TBC1D14: variants seen among roughly 807,000 people sequenced by gnomAD.
TBC1D14 encodes TBC1 domain family, member 14.
TBC1D14 carries 26 observed loss-of-function variants against 79.0 expected under a neutral mutation model. The observed-to-expected ratio is 0.33, with a 90% CI of 0.24 to 0.46. The LOEUF (loss-of-function observed/expected upper bound fraction) is 0.46, where lower values mean the gene tolerates loss of function less well. Ranked by LOEUF, TBC1D14 falls within the 20% of genes least tolerant of loss-of-function variation. TBC1D14 has a pLI of 1.00. For synonymous variants in TBC1D14, 394 were observed against 349.9 expected (o/e 1.13, Z -1.40); for missense variants, 769 against 887.6 (o/e 0.87, Z 1.70).
At chr4:6,936,908 T>C (rs1712390589) in intron 2 of TBC1D14, among the ~76,000 whole-genome samples, 1 of 152,122 alleles carries the variant, frequency 6.6e-6, no homozygotes, top group Non-Finnish European at 1.5e-5. Flanking sequence ...CTTTTTTTTT[T>C]TATTTTTACT....
At chr4:6,942,324 G>A (rs1394636829) in intron 2 of TBC1D14, among the ~76,000 whole-genome samples, 1 of 152,068 alleles carries the variant, frequency 6.6e-6, no homozygotes, top group Non-Finnish European at 1.5e-5. Flanking sequence ...TTTATGTTGA[G>A]CGAGCTGGGT....
intron 3 of TBC1D14, among the ~76,000 whole-genome samples, chr4:6,989,142 A>G (rs139324225): frequency 1.3e-5 from 2 of 152,250 alleles, no homozygotes; most frequent in Admixed American, 6.5e-5. Context: ...TAAACCAACA[A>G]ACGTTAAACC....
intron 2 of TBC1D14, among the ~76,000 whole-genome samples, chr4:6,928,345 G>C (rs1250214419): frequency 6.6e-6 from 1 of 152,178 alleles, no homozygotes; most frequent in Non-Finnish European, 1.5e-5. Flanking sequence ...GCCTGTGTCT[G>C]GTTCACCCTG....
At chr4:6,952,411 T>C (rs768419537) in intron 2 of TBC1D14, among the ~76,000 whole-genome samples, 2 of 152,232 alleles carry the variant, frequency 1.3e-5, no homozygotes, top group Non-Finnish European at 2.9e-5. Flanking sequence ...TTGGCTGCCC[T>C]GGGGCAGGGA....
rs150284712 is a variant in TBC1D14, at chr4:7,021,457, T to A, written c.1758-3547T>A. Among the ~76,000 whole-genome samples, 1,028 of 151,896 alleles carry A rather than the reference T, an allele frequency of 6.8e-3. 11 individuals carry two copies. The highest frequency in any genetic ancestry group is 0.024 in the African/African-American group (975 of 41,394). On this transcript the variant is annotated intron_variant, in intron 12 of 13. Coordinates refer to ENST00000409757, the MANE Select transcript of TBC1D14 (RefSeq NM_020773.3). The stretch of plus-strand genomic sequence containing the variant: ...TACAAATAACTTAAAAATTAGCCGG[T>A]GTGGTGGTGTGTGCCTGTAGTCTCA...
At position 6,924,122 on chromosome 4, in the gene TBC1D14, C is replaced by G; in HGVS notation, c.722+11C>G. 1.2e-6 allele frequency: 2 copies of G among 1,604,984 alleles called. No individual in the cohort carries two copies. Among genetic ancestry groups the G allele is most frequent in the Non-Finnish European group, 1.7e-6 (2 of 1,175,430 alleles). On this transcript the variant is annotated intron_variant, in intron 2 of 13. Transcript: ENST00000409757. ...TAACTTCTTTGCAAGGTAATGCCATCTTTGCCCTCTAGAAGATCGTGGTGG... is the reference window on the plus strand; with the variant it reads ...TAACTTCTTTGCAAGGTAATGCCATGTTTGCCCTCTAGAAGATCGTGGTGG...
At chr4:6,966,955 G>T (rs554592378) in intron 2 of TBC1D14, among the ~76,000 whole-genome samples, 1 of 152,250 alleles carries the variant, frequency 6.6e-6, no homozygotes, top group South Asian at 2.1e-4. Context: ...GACTACAGGT[G>T]CCTGCCACCA....
chr4:6,939,107 C>G (rs970218515), intron 2 of TBC1D14, among the ~76,000 whole-genome samples: 5 of 152,222 alleles, frequency 3.3e-5, no homozygotes, highest in Non-Finnish European at 4.4e-5. Flanking sequence ...CTCTGCCACC[C>G]ACTCCCTCTG....
rs1325967983 is a variant in TBC1D14 at position 7,031,131 on chromosome 4, C to G, written c.*739C>G. The stretch of plus-strand genomic sequence containing the variant: ...AGAGGAGGAGCTATTTGCGAGGAAG[C>G]CCTGTGGCAATAGAGATAGGCTTAA... On this transcript the variant is annotated 3_prime_UTR_variant, in exon 14 of 14. Coordinates refer to ENST00000409757, the MANE Select transcript of TBC1D14 (RefSeq NM_020773.3). 3 of 152,360 alleles carry G rather than the reference C, an allele frequency of 2.0e-5. No homozygotes were observed. Among genetic ancestry groups the G allele is most frequent in the Admixed American group, 6.5e-5 (1 of 15,284 alleles). The allele number at this position is 152,360 out of a possible 1,614,324, so 9.4% of individuals were successfully genotyped here.
chr4:7,008,385 CTG>C (rs1055419465), intron 9 of TBC1D14, among the ~76,000 whole-genome samples: 2 of 152,202 alleles, frequency 1.3e-5, no homozygotes, highest in Non-Finnish European at 2.9e-5. Context: ...GAGTGGAGAA[CTG>C]TGTCCAAAAG....
chr4:6,956,697 C>T (rs1374280147), intron 2 of TBC1D14, among the ~76,000 whole-genome samples: 1 of 152,222 alleles, frequency 6.6e-6, no homozygotes, highest in Non-Finnish European at 1.5e-5. Flanking sequence ...CTCCTCAAAG[C>T]CTCTTGTGCC....
intron 12 of TBC1D14, among the ~76,000 whole-genome samples, chr4:7,021,757 C>CA (rs1239774544): frequency 1.3e-5 from 2 of 151,920 alleles, no homozygotes; most frequent in Non-Finnish European, 2.9e-5. Context: ...TGGTCGGAGG[C>CA]AAAACGTAAA....
At chr4:6,916,993 T>C (rs1723454842) in intron 1 of TBC1D14, among the ~76,000 whole-genome samples, 1 of 152,218 alleles carries the variant, frequency 6.6e-6, no homozygotes, top group Non-Finnish European at 1.5e-5. Flanking sequence ...TTCACTTTCC[T>C]GACCATCATG....
chr4:6,990,277 T>C (rs1049566486), intron 3 of TBC1D14, among the ~76,000 whole-genome samples: 2 of 152,142 alleles, frequency 1.3e-5, no homozygotes, highest in African/African-American at 4.8e-5. Context: ...GGCAAAACCC[T>C]GTCTCTACTA....
chr4:6,918,729 T>G (rs550597465), intron 1 of TBC1D14, among the ~76,000 whole-genome samples: 27 of 152,320 alleles, frequency 1.8e-4, no homozygotes, highest in Non-Finnish European at 3.5e-4. Flanking sequence ...TTTTGCTAGT[T>G]TGATCTGCTG....
At chr4:6,979,407 C>G (rs1280194200) in intron 3 of TBC1D14, among the ~76,000 whole-genome samples, 1 of 152,120 alleles carries the variant, frequency 6.6e-6, no homozygotes, top group Admixed American at 6.5e-5. Context: ...CAGACGATTA[C>G]TTGAAGCCAG....
At chr4:6,972,324 T>TA (rs1215312246) in intron 3 of TBC1D14, among the ~76,000 whole-genome samples, 1 of 152,228 alleles carries the variant, frequency 6.6e-6, no homozygotes, top group African/African-American at 2.4e-5. Flanking sequence ...AAGCAATTCT[T>TA]ATCTCTGAGG....
chr4:6,988,885 CT>C (rs34268749), intron 3 of TBC1D14, among the ~76,000 whole-genome samples: 1,761 of 76,738 alleles, frequency 0.023, 7 homozygotes, highest in Middle Eastern at 0.057. Flanking sequence ...TTCTTTCTTT[CT>C]TTTTTTTTTT....
intron 4 of TBC1D14, among the ~76,000 whole-genome samples, chr4:6,996,115 C>T (rs6840780): frequency 0.12 from 18,392 of 152,222 alleles, 1,169 homozygotes; most frequent in Middle Eastern, 0.17. Context: ...GGATTGCAGG[C>T]GTGAGCCACA....
Sources: allele counts gnomAD v4.1 joint callset (sites outside exome capture counted in the v4.1 genomes callset), GRCh38; gene constraint gnomAD v4.1.1; transcripts MANE v1.5; gene names NCBI Gene and HGNC (gene_info 2026-07-23, HGNC 2026-07-21).